MGAT4C: variants seen among roughly 807,000 people sequenced by gnomAD.
MGAT4C encodes the protein alpha-1,3-mannosyl-glycoprotein 4-beta-N-acetylglucosaminyltransferase C.
MGAT4C carries 19 observed loss-of-function variants against 40.1 expected under a neutral mutation model. That is an observed-to-expected ratio of 0.47 (90% CI 0.33 to 0.70). The LOEUF (loss-of-function observed/expected upper bound fraction) is 0.70, where lower values mean the gene tolerates loss of function less well. MGAT4C is among the 30% of genes least tolerant of loss of function. The pLI is 0.02. For synonymous variants in MGAT4C, 181 were observed against 187.1 expected (o/e 0.97, Z 0.27); for missense variants, 491 against 563.2 (o/e 0.87, Z 1.30).
At chr12:86,314,117 A>G (rs1207273732) in intron 4 of MGAT4C, among the ~76,000 whole-genome samples, 1 of 152,198 alleles carries the variant, frequency 6.6e-6, no homozygotes, top group African/African-American at 2.4e-5. Flanking sequence ...GCTTTCTCAA[A>G]TATCGTTTTT....
intron 3 of MGAT4C, among the ~76,000 whole-genome samples, chr12:86,358,641 A>G (rs1021684205): frequency 6.6e-6 from 1 of 152,194 alleles, no homozygotes; most frequent in African/African-American, 2.4e-5. Context: ...AGATCTACCA[A>G]GGAAATGGAA....
intron 2 of MGAT4C, among the ~76,000 whole-genome samples, chr12:86,603,489 T>C (rs1164825661): frequency 1.0e-5 from 1 of 97,950 alleles, no homozygotes; most frequent in Non-Finnish European, 1.8e-5. Context: ...CTATAGACTA[T>C]ATAATATATA....
At chr12:86,073,717 C>G (rs1869066868) in intron 1 of MGAT4C, among the ~76,000 whole-genome samples, 1 of 152,130 alleles carries the variant, frequency 6.6e-6, no homozygotes, top group African/African-American at 2.4e-5. Context: ...TTTGGAACAG[C>G]TGCATTTACC....
At chr12:86,243,988 C>T (rs911062658) in intron 1 of MGAT4C, among the ~76,000 whole-genome samples, 5 of 152,106 alleles carry the variant, frequency 3.3e-5, no homozygotes, top group Admixed American at 1.3e-4. Flanking sequence ...TCAGCCTGCC[C>T]CTGTGACTTC....
intron 1 of MGAT4C, among the ~76,000 whole-genome samples, chr12:86,068,929 T>A (rs1350669468): frequency 6.6e-6 from 1 of 152,092 alleles, no homozygotes; most frequent in Non-Finnish European, 1.5e-5. Flanking sequence ...TAAGAGTTGG[T>A]TGATAATATA....
chr12:86,189,831 G>A (rs954791441), intron 1 of MGAT4C, among the ~76,000 whole-genome samples: 1 of 152,046 alleles, frequency 6.6e-6, no homozygotes, highest in African/African-American at 2.4e-5. Context: ...TCCCTCCAAA[G>A]TCATTATTTG....
chr12:86,533,277 T>C (rs1283748848), intron 2 of MGAT4C, among the ~76,000 whole-genome samples: 1 of 152,084 alleles, frequency 6.6e-6, no homozygotes, highest in East Asian at 1.9e-4. Flanking sequence ...GTAGTTCATC[T>C]AATAGTTTCC....
At chr12:86,755,319 A>C (rs561593875) in intron 1 of MGAT4C, among the ~76,000 whole-genome samples, 1 of 152,290 alleles carries the variant, frequency 6.6e-6, no homozygotes, top group Non-Finnish European at 1.5e-5. Context: ...CCTTACAATA[A>C]ATATTGTAAT....
chr12:86,119,146 T>C (rs1878930132), intron 1 of MGAT4C, among the ~76,000 whole-genome samples: 2 of 152,178 alleles, frequency 1.3e-5, no homozygotes, highest in South Asian at 4.1e-4. Context: ...ATTTAAAGTA[T>C]TAAATAAAAA....
chr12:86,008,022 CTATT>C (rs67727843), intron 2 of MGAT4C, among the ~76,000 whole-genome samples: 35,987 of 151,572 alleles, frequency 0.24, 5,032 homozygotes, highest in Non-Finnish European at 0.32. Context: ...GTATATGTCT[CTATT>C]TATTTTTCTT....
Position 86,050,470 on chromosome 12 carries a change from A to G in MGAT4C, c.-56-747T>C, listed in dbSNP as rs148375766. Among the ~76,000 whole-genome samples, 1,173 of 152,222 alleles carry G rather than the reference A, an allele frequency of 7.7e-3. 15 individuals carry two copies. Among genetic ancestry groups the G allele is most frequent in the African/African-American group, 0.026 (1,094 of 41,570 alleles). ...TTTGTATTATCTTTTCCCACTATAC[A>G]TAAACACATATTTATATTTTTAAAA... On this transcript the variant is annotated intron_variant, in intron 1 of 4. Coordinates refer to ENST00000611864, the MANE Select transcript of MGAT4C (RefSeq NM_001351288.2).
In MGAT4C at chr12:86,236,777, GA is replaced by G. The variant is rs530121514; in HGVS notation, c.-57+19461del. Among the ~76,000 whole-genome samples, 4 of 151,994 alleles carry G rather than the reference GA, an allele frequency of 2.6e-5. No homozygotes were observed. The East Asian group carries it at 7.7e-4, about 29-fold the overall frequency. On this transcript the variant is annotated intron_variant, in intron 1 of 4. Coordinates refer to ENST00000611864, the MANE Select transcript of MGAT4C (RefSeq NM_001351288.2). Reference sequence around the variant, plus strand: ...TTCAACTAGAAAAAACACAAAAGTTGATTCTAGAGGTAACAGAAATAATTTA... The same window carrying G: ...TTCAACTAGAAAAAACACAAAAGTTGTTCTAGAGGTAACAGAAATAATTTA...
chr12:86,637,045 C>T (rs1963239264), intron 2 of MGAT4C, among the ~76,000 whole-genome samples: 1 of 151,878 alleles, frequency 6.6e-6, no homozygotes, highest in South Asian at 2.1e-4. Flanking sequence ...GAGGATTATA[C>T]ATCACCTTTA....
intron 1 of MGAT4C, among the ~76,000 whole-genome samples, chr12:86,084,625 G>A (rs890358288): frequency 9.9e-5 from 15 of 151,668 alleles, no homozygotes; most frequent in South Asian, 2.1e-4. Context: ...GGGTGTTAGC[G>A]CAACTGCTTT....
intron 1 of MGAT4C, among the ~76,000 whole-genome samples, chr12:86,222,160 T>G (rs1187856180): frequency 6.6e-6 from 1 of 152,152 alleles, no homozygotes; most frequent in Non-Finnish European, 1.5e-5. Flanking sequence ...AAGTATGAGG[T>G]CAAAATGCAC....
chr12:86,749,847 A>T (rs896567412), intron 1 of MGAT4C, among the ~76,000 whole-genome samples: 3 of 151,784 alleles, frequency 2.0e-5, no homozygotes, highest in Non-Finnish European at 4.4e-5. Context: ...TCAGTAGCCA[A>T]GTTACATGTA....
At chr12:86,190,445 T>G (rs187079778) in intron 1 of MGAT4C, among the ~76,000 whole-genome samples, 1 of 152,226 alleles carries the variant, frequency 6.6e-6, no homozygotes, top group South Asian at 2.1e-4. Flanking sequence ...ATGAACAAAT[T>G]TTCACATTTA....
At chr12:86,234,115 T>C (rs1322142400) in intron 1 of MGAT4C, among the ~76,000 whole-genome samples, 2 of 152,164 alleles carry the variant, frequency 1.3e-5, no homozygotes, top group African/African-American at 4.8e-5. Flanking sequence ...ATTTCTTATT[T>C]AGTACACACA....
At chr12:86,734,130 A>C (rs1329131534) in intron 1 of MGAT4C, among the ~76,000 whole-genome samples, 1 of 152,122 alleles carries the variant, frequency 6.6e-6, no homozygotes, top group African/African-American at 2.4e-5. Flanking sequence ...AAGTTGAGAA[A>C]GTTTAAGTTG....
Sources: gnomAD v4.1 joint callset for allele counts (sites outside exome capture counted in the v4.1 genomes callset) on GRCh38, gnomAD v4.1.1 for gene constraint, MANE v1.5 for transcripts, NCBI Gene and HGNC (gene_info 2026-07-23, HGNC 2026-07-21) for gene names.